INVS: variants seen among roughly 807,000 people sequenced by gnomAD.
INVS encodes inversion of embryo turning homolog.
In INVS, 86 loss-of-function variants were observed where a neutral mutation model predicts 108.8. The observed-to-expected ratio is 0.79, with a 90% CI of 0.66 to 0.95. The LOEUF is 0.95. INVS is among the 40% of genes least tolerant of loss of function. INVS has a pLI of 0.00. For synonymous variants in INVS, 455 were observed against 473.5 expected, an observed-to-expected ratio of 0.96 and a Z score of 0.51; for missense variants, 1,169 against 1,297.4, an observed-to-expected ratio of 0.90 and a Z score of 1.52.
At chr9:100,203,991 C>A (rs1297923738) in intron 3 of INVS, among the ~76,000 whole-genome samples, 1 of 151,070 alleles carries the variant, frequency 6.6e-6, no homozygotes, top group African/African-American at 2.4e-5. Flanking sequence ...GATCCCAATG[C>A]TTTTTTTTTC....
intron 3 of INVS, among the ~76,000 whole-genome samples, chr9:100,166,386 G>A (rs1228836118): frequency 1.3e-5 from 2 of 152,104 alleles, no homozygotes; most frequent in African/African-American, 2.4e-5. Context: ...AGCCAGGCAT[G>A]GTGGTACATG....
intron 3 of INVS, among the ~76,000 whole-genome samples, chr9:100,197,636 A>G (rs6479005): frequency 0.19 from 29,350 of 152,116 alleles, 4,518 homozygotes; most frequent in African/African-American, 0.43. Context: ...GGCATGATTA[A>G]CAACCATGTA....
chr9:100,186,844 G>A (rs1357528239), intron 3 of INVS, among the ~76,000 whole-genome samples: 1 of 151,922 alleles, frequency 6.6e-6, no homozygotes, highest in Non-Finnish European at 1.5e-5. Flanking sequence ...TTTTTTCACT[G>A]AGCAGAAGCT....
chr9:100,106,562 A>G (rs777594077), intron 2 of INVS, among the ~76,000 whole-genome samples: 1 of 152,146 alleles, frequency 6.6e-6, no homozygotes, highest in African/African-American at 2.4e-5. Flanking sequence ...TAATATTGCA[A>G]TCCCAACTCT....
At chr9:100,186,430 C>T (rs1047533105) in intron 3 of INVS, among the ~76,000 whole-genome samples, 11 of 152,208 alleles carry the variant, frequency 7.2e-5, no homozygotes, top group Admixed American at 5.9e-4. Flanking sequence ...GGATTACAGG[C>T]ATGAATGACC....
intron 8 of INVS, among the ~76,000 whole-genome samples, chr9:100,249,665 T>C (rs1832160116): frequency 6.6e-6 from 1 of 151,854 alleles, no homozygotes; most frequent in African/African-American, 2.4e-5. Flanking sequence ...GGCTAAGTTT[T>C]GTATTTTTAG....
intron 4 of INVS, among the ~76,000 whole-genome samples, chr9:100,228,743 T>G (rs1396505682): frequency 6.6e-6 from 1 of 152,230 alleles, no homozygotes; most frequent in Non-Finnish European, 1.5e-5. Context: ...AGCAGATTAC[T>G]TAGGTTCCGT....
At chr9:100,100,317 G>A (rs1178204117) in intron 1 of INVS, among the ~76,000 whole-genome samples, 1 of 151,388 alleles carries the variant, frequency 6.6e-6, no homozygotes, top group African/African-American at 2.4e-5. Flanking sequence ...TTACCAAGGC[G>A]GCCTAACTCC....
intron 3 of INVS, chr9:100,129,533 A>C: frequency 2.1e-6 from 1 of 467,134 alleles, no homozygotes; most frequent in Non-Finnish European, 3.9e-6. Context: ...TTTTAAAAAA[A>C]CAAGGAATCA....
intron 3 of INVS, among the ~76,000 whole-genome samples, chr9:100,154,402 CTT>C (rs1195540865): frequency 3.3e-5 from 4 of 119,836 alleles, no homozygotes; most frequent in African/African-American, 1.3e-4. Context: ...TAGTCTCAAA[CTT>C]GGGCTCAAGC....
At chr9:100,100,257 T>C (rs10988972) in intron 1 of INVS, among the ~76,000 whole-genome samples, 28,404 of 151,528 alleles carry the variant, frequency 0.19, 4,217 homozygotes, top group African/African-American at 0.42. Context: ...GAGCCCTGCA[T>C]AATGGCTTTC....
At chr9:100,177,844 A>G (rs1029002925) in intron 3 of INVS, among the ~76,000 whole-genome samples, 2 of 152,196 alleles carry the variant, frequency 1.3e-5, no homozygotes, top group Non-Finnish European at 2.9e-5. Context: ...GACACCTCCC[A>G]GCAGGGGCCG....
chr9:100,239,016 G>T (rs988671016), intron 5 of INVS, among the ~76,000 whole-genome samples: 4 of 152,200 alleles, frequency 2.6e-5, no homozygotes, highest in Admixed American at 6.5e-5. Flanking sequence ...CCAGCATGTA[G>T]GGAAATAAAA....
chr9:100,143,173 T>C (rs1187553487), intron 3 of INVS, among the ~76,000 whole-genome samples: 2 of 152,086 alleles, frequency 1.3e-5, no homozygotes, highest in Non-Finnish European at 1.5e-5. Flanking sequence ...AAACAAAGCA[T>C]GTTTGAGATC....
rs2118764879 is a variant in INVS, at chr9:100,293,007, A to G, written c.2750A>G (p.Asn917Ser). 4 of 1,614,068 alleles carry G rather than the reference A, an allele frequency of 2.5e-6. No homozygotes were observed. The highest frequency in any genetic ancestry group is 2.2e-5 in the East Asian group (1 of 44,876). Residue 917 changes from asparagine (N) to serine (S), a missense_variant, in exon 14 of 17, where the codon AAC (asparagine) becomes AGC (serine). By Grantham distance (46) the Asn-to-Ser change is conservative (BLOSUM62 1). Around this residue, in one of 3 missense-constraint regions of INVS, gnomAD observed 533 missense variants for 536.0 expected, o/e 0.99. Transcript: ENST00000262457. Reference protein sequence around the residue: ...RRRKELFRKKNKAAAVIQRAW... With the variant: ...RRRKELFRKKSKAAAVIQRAW... The stretch of plus-strand genomic sequence containing the variant: ...AGGAAGGAGCTGTTTCGCAAAAAGA[A>G]CAAGGCAGCAGCAGTCATCCAGCGC...
In INVS at chr9:100,273,047, T is replaced by C. The variant is rs1293361911; in HGVS notation, c.1755T>C (p.His585=). 1 of 1,613,828 alleles carries C rather than the reference T, an allele frequency of 6.2e-7. No homozygotes were observed. The highest frequency in any genetic ancestry group is 8.5e-7 in the Non-Finnish European group (1 of 1,179,952). Residue 585 remains histidine, a synonymous_variant, in exon 12 of 17, where the codon CAT becomes CAC. Transcript: ENST00000262457. ...FRDRKNLLMK[H]EQLRKDAAAK... ...ACAGGAAAAATCTCCTCATGAAGCA[T>C]GAACAGTTGAGAAAAGATGCTGCTG...
At chr9:100,298,737 G>C (rs1833864007) in intron 16 of INVS, among the ~76,000 whole-genome samples, 2 of 152,082 alleles carry the variant, frequency 1.3e-5, no homozygotes, top group Admixed American at 1.3e-4. Context: ...CAAAAACCTG[G>C]AGGTGGGGGA....
intron 10 of INVS, among the ~76,000 whole-genome samples, chr9:100,264,128 C>T (rs1341215820): frequency 6.6e-6 from 1 of 152,178 alleles, no homozygotes; most frequent in Non-Finnish European, 1.5e-5. Context: ...AATGCTTCAT[C>T]TCTTCTTTAT....
chr9:100,236,585 T>G (rs1477088729), intron 5 of INVS, among the ~76,000 whole-genome samples: 3 of 152,196 alleles, frequency 2.0e-5, no homozygotes, highest in Non-Finnish European at 4.4e-5. Context: ...TGCTTTCTGT[T>G]TGTTAGTTTT....
Sources: gnomAD v4.1 joint callset for allele counts (sites outside exome capture counted in the v4.1 genomes callset) on GRCh38, gnomAD v4.1.1 for gene constraint, gnomAD v4.1.1 regional missense constraint, MANE v1.5 for transcripts, NCBI Gene and HGNC (gene_info 2026-07-23, HGNC 2026-07-21) for gene names.